The following TPD52L1 variants were observed in gnomAD, a reference collection of about 807,000 sequenced individuals.
The protein encoded by TPD52L1 is TPD52 like 1.
TPD52L1 carries 18 observed loss-of-function variants against 28.7 expected under a neutral mutation model. That is an observed-to-expected ratio of 0.63 (90% CI 0.43 to 0.93). The LOEUF is 0.93. Ranked by LOEUF, TPD52L1 falls within the 40% of genes least tolerant of loss-of-function variation. TPD52L1 has a pLI of 0.00. For synonymous variants in TPD52L1, 75 were observed against 88.8 expected (o/e 0.84, Z 0.88); for missense variants, 203 against 254.8 (o/e 0.80, Z 1.39).
Position 125,220,110 on chromosome 6 carries a change from G to A in TPD52L1, c.52G>A (p.Asp18Asn). Residue 18 changes from aspartate (D) to asparagine (N), a missense_variant, in exon 2 of 7, where the codon GAC becomes AAC. Physicochemically the swap from Asp to Asn is conservative, Grantham distance 23. Coordinates refer to ENST00000534000, the MANE Select transcript of TPD52L1 (RefSeq NM_003287.4). ...LLETEPLQGTDEDAVASADFS... is the reference protein window; with the variant it reads ...LLETEPLQGTNEDAVASADFS... ...GGAGACTGAACCGTTGCAAGGAACAGACGAAGATGCAGTAGCCAGTGCTGA... is the reference window on the plus strand; with the variant it reads ...GGAGACTGAACCGTTGCAAGGAACAAACGAAGATGCAGTAGCCAGTGCTGA... 1 of 1,613,868 alleles carries A rather than the reference G, an allele frequency of 6.2e-7. No individual in the cohort carries two copies.
intron 1 of TPD52L1, among the ~76,000 whole-genome samples, chr6:125,197,169 T>A (rs1014965563): frequency 6.6e-6 from 1 of 152,242 alleles, no homozygotes; most frequent in African/African-American, 2.4e-5. Flanking sequence ...AAGAGCTGGC[T>A]GTCCTTTCTC....
intron 1 of TPD52L1, among the ~76,000 whole-genome samples, chr6:125,181,413 G>C (rs889667925): frequency 2.0e-5 from 3 of 152,156 alleles, no homozygotes; most frequent in Non-Finnish European, 4.4e-5. Flanking sequence ...ATGGTGTCAA[G>C]AGGTGCTCGC....
At position 125,260,990 on chromosome 6, in the gene TPD52L1, GAAA is replaced by G. The variant is rs1562410905; in HGVS notation, c.487-1843_487-1841del. The G allele has an allele frequency of 5.2e-3, 228 of 43,838 alleles. 16 individuals are homozygous for G. The highest frequency in any genetic ancestry group is 0.026 in the African/African-American group (217 of 8,490). 2.7% of individuals were successfully genotyped at this position (43,838 alleles called of 1,614,324 possible). ...AAAGAAAGAAAGAAAAGAAAAGAAA[GAAA>G]GAAAGAAAGAAAGAAAGAAAGAAAG... On this transcript the variant is annotated intron_variant, in intron 6 of 6. Transcript: ENST00000534000.
At chr6:125,162,589 G>T (rs894942659) in intron 1 of TPD52L1, among the ~76,000 whole-genome samples, 1 of 152,188 alleles carries the variant, frequency 6.6e-6, no homozygotes, top group Non-Finnish European at 1.5e-5. Context: ...AGGGCATAGT[G>T]ATTAAGATCC....
intron 1 of TPD52L1, among the ~76,000 whole-genome samples, chr6:125,190,163 A>T (rs1792939524): frequency 6.6e-6 from 1 of 152,160 alleles, no homozygotes; most frequent in Admixed American, 6.5e-5. Flanking sequence ...AACTATATTG[A>T]TCATAATTTG....
intron 1 of TPD52L1, among the ~76,000 whole-genome samples, chr6:125,186,167 A>G (rs1792612007): frequency 6.6e-6 from 1 of 152,146 alleles, no homozygotes; most frequent in African/African-American, 2.4e-5. Flanking sequence ...TACAAGCATG[A>G]GCCACCGTGG....
rs76096986 is a variant in TPD52L1, at chr6:125,245,016, G to C, written c.285-3266G>C. Among the ~76,000 whole-genome samples, 1,088 of 152,274 alleles carry C rather than the reference G, an allele frequency of 7.1e-3. 16 individuals are homozygous for C. The highest frequency in any genetic ancestry group is 0.025 in the African/African-American group (1,034 of 41,544). On this transcript the variant is annotated intron_variant, in intron 3 of 6. Transcript: ENST00000534000. Reference sequence around the variant, plus strand: ...TCTTCTTAGTCTAACCACCCAGCAGGACTACCAGGCTCCAGGCTGGTGCTG... The same window carrying C: ...TCTTCTTAGTCTAACCACCCAGCAGCACTACCAGGCTCCAGGCTGGTGCTG...
At chr6:125,172,112 CTTT>C (rs1791371959) in intron 1 of TPD52L1, among the ~76,000 whole-genome samples, 3 of 52,996 alleles carry the variant, frequency 5.7e-5, no homozygotes, top group South Asian at 1.3e-3. Context: ...TTCTTTCTTT[CTTT>C]CTTTCTTTCT....
chr6:125,221,870 C>G (rs894455788), intron 2 of TPD52L1: 4 of 152,206 alleles, frequency 2.6e-5, no homozygotes, highest in African/African-American at 7.2e-5. Flanking sequence ...GCACTAGCCT[C>G]CATGCTTCCT....
At chr6:125,205,375 T>C (rs1454981652) in intron 1 of TPD52L1, among the ~76,000 whole-genome samples, 1 of 152,230 alleles carries the variant, frequency 6.6e-6, no homozygotes, top group Non-Finnish European at 1.5e-5. Flanking sequence ...AGCCAGCCAC[T>C]CCCACGCTTC....
intron 3 of TPD52L1, among the ~76,000 whole-genome samples, chr6:125,236,658 A>G (rs1382922833): frequency 2.0e-5 from 3 of 152,200 alleles, no homozygotes; most frequent in Non-Finnish European, 2.9e-5. Context: ...GCCAGTCCCA[A>G]CTTCATGCAA....
chr6:125,203,422 TTG>T (rs1027617808), intron 1 of TPD52L1, among the ~76,000 whole-genome samples: 1 of 152,220 alleles, frequency 6.6e-6, no homozygotes, highest in African/African-American at 2.4e-5. Context: ...TGCATCTATT[TTG>T]TGTGTATTAA....
intron 2 of TPD52L1, among the ~76,000 whole-genome samples, chr6:125,223,488 C>A (rs1239485875): frequency 1.3e-5 from 2 of 152,064 alleles, no homozygotes; most frequent in Non-Finnish European, 2.9e-5. Context: ...GTGGGGGGAT[C>A]ACCAGAGGTC....
intron 1 of TPD52L1, among the ~76,000 whole-genome samples, chr6:125,173,482 G>A (rs965099960): frequency 6.6e-6 from 1 of 152,192 alleles, no homozygotes; most frequent in African/African-American, 2.4e-5. Context: ...GCCAGGAGGT[G>A]CAGCTTCTGA....
Position 125,248,264 on chromosome 6 carries a change from G to T in TPD52L1, c.285-18G>T, listed in dbSNP as rs1289655293. 6.3e-7 allele frequency: 1 copy of T among 1,595,500 alleles called. No individual in the cohort carries two copies. Among genetic ancestry groups the T allele is most frequent in the South Asian group, 1.1e-5 (1 of 90,506 alleles). On this transcript the variant is annotated intron_variant, in intron 3 of 6. Transcript: ENST00000534000. ...GAGATCATGATATAAAAACCATGTT[G>T]TTCTGTTTTATTTCTAGCTACAAGA... is the stretch of plus-strand genomic sequence containing the variant.
At chr6:125,214,075 C>T (rs1306620112) in intron 1 of TPD52L1, among the ~76,000 whole-genome samples, 1 of 152,156 alleles carries the variant, frequency 6.6e-6, no homozygotes, top group African/African-American at 2.4e-5. Flanking sequence ...GAGCTTTGGC[C>T]TGTGGTAGTT....
At chr6:125,237,320 C>A (rs1796324870) in intron 3 of TPD52L1, among the ~76,000 whole-genome samples, 1 of 152,212 alleles carries the variant, frequency 6.6e-6, no homozygotes, top group Non-Finnish European at 1.5e-5. Flanking sequence ...ATTGCAAGAG[C>A]CCCGGTGAGT....
intron 1 of TPD52L1, among the ~76,000 whole-genome samples, chr6:125,184,035 G>A (rs371889374): frequency 6.9e-4 from 105 of 152,224 alleles, no homozygotes; most frequent in East Asian, 2.7e-3. Context: ...GAATCCACCC[G>A]TCTATTTTAA....
At chr6:125,260,088 A>T (rs1484749539) in intron 6 of TPD52L1, 1 of 152,264 alleles carries the variant, frequency 6.6e-6, no homozygotes, top group Non-Finnish European at 1.5e-5. Flanking sequence ...AACAAAGCAC[A>T]GAAGAAAACG....
Sources: allele counts gnomAD v4.1 joint callset (sites outside exome capture counted in the v4.1 genomes callset), GRCh38; gene constraint gnomAD v4.1.1; transcripts MANE v1.5; gene names NCBI Gene and HGNC (gene_info 2026-07-23, HGNC 2026-07-21).